The following ASB3 variants were observed in gnomAD, a reference collection of about 807,000 sequenced individuals.
The protein encoded by ASB3 is ankyrin repeat and SOCS box protein 3.
A neutral mutation model predicts 54.5 loss-of-function variants in ASB3; 41 were observed. The ratio of observed to expected loss-of-function variants is 0.75; its 90% confidence interval spans 0.59 to 0.98. The LOEUF is 0.98. Ranked by LOEUF, ASB3 falls within the 50% of genes least tolerant of loss-of-function variation. ASB3 has a pLI of 0.00. For synonymous variants in ASB3, 266 were observed against 221.2 expected, an observed-to-expected ratio of 1.20 and a Z score of -1.80; for missense variants, 733 against 620.0, an observed-to-expected ratio of 1.18 and a Z score of -1.94.
At chr2:53,712,783 C>T (rs541026681) in intron 7 of ASB3, among the ~76,000 whole-genome samples, 3 of 151,964 alleles carry the variant, frequency 2.0e-5, no homozygotes, top group East Asian at 2.0e-4. Flanking sequence ...CGCGCGCGCG[C>T]GCAATCCAAA....
chr2:53,714,435 G>T lies in ASB3; in HGVS notation c.929C>A (p.Ala310Glu). The T allele has an allele frequency of 6.2e-7, 1 of 1,614,176 alleles. No individual in the cohort carries two copies. The highest frequency in any genetic ancestry group is 8.5e-7 in the Non-Finnish European group (1 of 1,180,014). ...LRNGYSPDAQACLVFGFSSPV... is the reference protein window; with the variant it reads ...LRNGYSPDAQECLVFGFSSPV... The stretch of plus-strand genomic sequence containing the variant: ...AGAACTGAATCCAAAAACAAGGCAC[G>T]CCTGGGCGTCTGGGCTGTAGCCATT... The change falls in exon 7 of 10, where the codon GCG becomes GAG. Residue 310 changes from alanine to glutamate, a missense_variant. By Grantham distance (107) the Ala-to-Glu change is moderately radical. Coordinates refer to ENST00000263634, the MANE Select transcript of ASB3 (RefSeq NM_016115.5).
chr2:53,686,275 A>G (rs964521343), intron 9 of ASB3, among the ~76,000 whole-genome samples: 2 of 152,206 alleles, frequency 1.3e-5, no homozygotes, highest in African/African-American at 2.4e-5. Context: ...ATTCAGGCCA[A>G]CCATGAAAGA....
intron 7 of ASB3, among the ~76,000 whole-genome samples, chr2:53,705,745 CTTGT>C (rs1669733334): frequency 2.6e-5 from 4 of 152,172 alleles, no homozygotes; most frequent in Admixed American, 1.3e-4. Flanking sequence ...CCCTGACGCT[CTTGT>C]TTTTTTCTTC....
At position 53,686,393 on chromosome 2, in the gene ASB3, G is replaced by A. The variant is rs139366838; in HGVS notation, c.1369+7491C>T. ...CCCACTGCCCCCAACACCCTCCTCA[G>A]AGCCACGGTTTTGTGCCTTTTATAT... On this transcript the variant is annotated intron_variant, in intron 9 of 9. Coordinates refer to ENST00000263634, the MANE Select transcript of ASB3 (RefSeq NM_016115.5). Among the ~76,000 whole-genome samples the A allele has an allele frequency of 3.5e-3, 540 of 152,242 alleles. 2 individuals carry two copies. The highest frequency in any genetic ancestry group is 0.012 in the African/African-American group (512 of 41,544).
rs112415807 is a variant in ASB3, at chr2:53,725,662, G to A, written c.604+3050C>T. Among the ~76,000 whole-genome samples, 525 of 152,204 alleles carry A rather than the reference G, an allele frequency of 3.4e-3. 5 individuals carry two copies. The highest frequency in any genetic ancestry group is 0.012 in the African/African-American group (503 of 41,538). ...TTTTAAATTTCTAGAATACATTTCG[G>A]TGGAAAGATCATCATCAAGACGGAA... On this transcript the variant is annotated intron_variant, in intron 5 of 9. Transcript: ENST00000263634.
At position 53,670,666 on chromosome 2, in the gene ASB3, A is replaced by T. The variant is rs1429270381; in HGVS notation, c.1394T>A (p.Leu465His). ...ACTGGACCGAATTTCCAAACGACAA[A>T]GATGGGTCAGGGATGGAACAGTGGC... is the stretch of plus-strand genomic sequence containing the variant. ...HIATVPSLTH[L>H]CRLEIRSSLK... The change falls in exon 10 of 10, where the codon CTT becomes CAT. Residue 465 changes from leucine (L) to histidine (H), a missense_variant. Transcript: ENST00000263634. The T allele has an allele frequency of 3.7e-6, 6 of 1,613,878 alleles. No homozygotes were observed. The East Asian group carries it at 1.3e-4, about 36-fold the overall frequency.
At chr2:53,670,779 T>C in intron 9 of ASB3, 89 bp from the exon 10 acceptor site, 2 of 1,412,752 alleles carry the variant, frequency 1.4e-6, no homozygotes, top group Non-Finnish European at 1.9e-6. Flanking sequence ...CCCCAACTCT[T>C]AGTAATAAAA....
intron 1 of ASB3, among the ~76,000 whole-genome samples, chr2:53,770,316 T>C (rs892087700): frequency 6.6e-6 from 1 of 152,112 alleles, no homozygotes; most frequent in African/African-American, 2.4e-5. Context: ...TACGAACAGA[T>C]GAAGACTAAA....
In ASB3 at chr2:53,774,414, T is replaced by A. The variant is rs550865276; in HGVS notation, c.-13-8829A>T. The A allele has an allele frequency of 2.5e-6, 4 of 1,612,720 alleles. No individual in the cohort carries two copies. The South Asian group carries it at 4.4e-5, about 18-fold the overall frequency. ...GAAATACAGAATATCTTTTTGAACT[T>A]GCAAATTCTATTAGGAACCTTGTGC... On this transcript the variant is annotated intron_variant, in intron 1 of 9. Coordinates refer to ENST00000263634, the MANE Select transcript of ASB3 (RefSeq NM_016115.5).
chr2:53,691,304 G>A (rs541580656), intron 9 of ASB3, among the ~76,000 whole-genome samples: 5 of 152,188 alleles, frequency 3.3e-5, no homozygotes, highest in Admixed American at 2.6e-4. Flanking sequence ...GGCATCTCCA[G>A]GACTTGAAAA....
intron 4 of ASB3, 76 bp from the exon 5 acceptor site, chr2:53,728,923 T>A: frequency 6.9e-7 from 1 of 1,453,726 alleles, no homozygotes; most frequent in Non-Finnish European, 9.1e-7. Context: ...ACTGTGTTTT[T>A]TTTTTCTTTT....
chr2:53,694,149 T>C, intron 8 of ASB3, 135 bp from the exon 9 acceptor site: 2 of 970,248 alleles, frequency 2.1e-6, no homozygotes, highest in Non-Finnish European at 3.0e-6. Flanking sequence ...ATGTTAAGTA[T>C]TTATGTAACT....
intron 1 of ASB3, among the ~76,000 whole-genome samples, chr2:53,776,722 G>A (rs529445842): frequency 3.3e-4 from 51 of 152,260 alleles, no homozygotes; most frequent in Non-Finnish European, 6.0e-4. Context: ...AGGAAGCTGA[G>A]GCAGAACTAT....
intron 1 of ASB3, among the ~76,000 whole-genome samples, chr2:53,785,025 CA>C (rs1399190237): frequency 2.6e-5 from 4 of 152,206 alleles, no homozygotes; most frequent in Non-Finnish European, 4.4e-5. Flanking sequence ...TCTTACACTC[CA>C]GCCACACTGG....
chr2:53,774,316 C>T (rs747633381), intron 1 of ASB3: 1 of 1,613,782 alleles, frequency 6.2e-7, no homozygotes, highest in Non-Finnish European at 8.5e-7. Flanking sequence ...ATGTGATAAT[C>T]CTGATTATCT....
At chr2:53,739,310 A>G (rs1671806897) in intron 3 of ASB3, among the ~76,000 whole-genome samples, 1 of 152,198 alleles carries the variant, frequency 6.6e-6, no homozygotes. Context: ...TATTGAGTAC[A>G]GTTACAAGCA....
At chr2:53,671,007 G>T (rs541940239) in intron 9 of ASB3, among the ~76,000 whole-genome samples, 2 of 152,292 alleles carry the variant, frequency 1.3e-5, no homozygotes, top group African/African-American at 4.8e-5. Context: ...AGAAATGGTG[G>T]AAGCTCACAA....
At chr2:53,700,250 G>A (rs372315366) in intron 8 of ASB3, 21 bp downstream of exon 8, 43 of 1,605,422 alleles carry the variant, frequency 2.7e-5, no homozygotes, top group Admixed American at 1.4e-4. Context: ...GGGTAAGCCC[G>A]ACTATGGTAG....
At chr2:53,765,342 G>A (rs1487923117) in intron 2 of ASB3, 35 bp downstream of exon 2, 2 of 1,612,706 alleles carry the variant, frequency 1.2e-6, no homozygotes, top group Non-Finnish European at 8.5e-7. Context: ...AATCCAGCTT[G>A]TAGGCAAAGC....
Sources: allele counts gnomAD v4.1 joint callset (sites outside exome capture counted in the v4.1 genomes callset), GRCh38; gene constraint gnomAD v4.1.1; transcripts MANE v1.5; gene names NCBI Gene and HGNC (gene_info 2026-07-23, HGNC 2026-07-21).